Variants in UBE4B observed in about 807,000 individuals in gnomAD.
UBE4B encodes ubiquitination factor E4B.
A neutral mutation model predicts 148.1 loss-of-function variants in UBE4B; 27 were observed. That is an observed-to-expected ratio of 0.18 (90% CI 0.13 to 0.25). The LOEUF (loss-of-function observed/expected upper bound fraction) is 0.25. Among genes scored for constraint, UBE4B ranks in the 10% least tolerant of loss-of-function variants. The pLI is 1.00. For synonymous variants in UBE4B, 596 were observed against 619.3 expected (o/e 0.96, Z 0.56); for missense variants, 1,170 against 1,662.4 (o/e 0.70, Z 5.15).
chr1:10,133,134 G>A (rs867712711), intron 15 of UBE4B, among the ~76,000 whole-genome samples: 4 of 152,174 alleles, frequency 2.6e-5, no homozygotes, highest in Non-Finnish European at 1.5e-5. Context: ...TGAGTGCTTC[G>A]GTCCGGGTGA....
At position 10,072,341 on chromosome 1, in the gene UBE4B, C is replaced by G. The variant is rs1644500820; in HGVS notation, c.211+127C>G. 1.7e-5 allele frequency: 19 copies of G among 1,145,486 alleles called. No individual in the cohort carries two copies. In the South Asian group the frequency reaches 2.8e-4, roughly 17 times the overall value. The allele number at this position is 1,145,486 out of a possible 1,614,324, so 71.0% of individuals were successfully genotyped here. On this transcript the variant is annotated intron_variant, in intron 2 of 27. Transcript: ENST00000343090. ...CATCAGCTCTTTAAAATCCTCCAAGCAGTAGTTTAAATATCATTGCAATGT... is the reference window on the plus strand; with the variant it reads ...CATCAGCTCTTTAAAATCCTCCAAGGAGTAGTTTAAATATCATTGCAATGT...
chr1:10,109,703 TG>T (rs1645185764), intron 7 of UBE4B, among the ~76,000 whole-genome samples: 2 of 151,702 alleles, frequency 1.3e-5, no homozygotes, highest in Admixed American at 1.3e-4. Context: ...CAAGCTGGAG[TG>T]CAGTGGAGCG....
intron 3 of UBE4B, among the ~76,000 whole-genome samples, chr1:10,099,763 A>G (rs956025711): frequency 5.3e-5 from 8 of 152,220 alleles, no homozygotes; most frequent in African/African-American, 9.7e-5. Flanking sequence ...GGCCAGGGAC[A>G]GACAAATTGT....
chr1:10,145,192 A>C (rs1645849017), intron 18 of UBE4B, 153 bp downstream of exon 18: 1 of 548,338 alleles, frequency 1.8e-6, no homozygotes, highest in African/African-American at 1.9e-5. Context: ...AAACTTGTTG[A>C]TACCTTACTT....
At position 10,117,559 on chromosome 1, in the gene UBE4B, T is replaced by A. The variant is rs768400495; in HGVS notation, c.1297T>A (p.Cys433Ser). 1 of 1,607,224 alleles carries A rather than the reference T, an allele frequency of 6.2e-7. No individual in the cohort carries two copies. Among genetic ancestry groups the A allele is most frequent in the Non-Finnish European group, 8.5e-7 (1 of 1,178,214 alleles). Residue 433 changes from cysteine to serine, a missense_variant, in exon 8 of 28, where the codon TGT (cysteine) becomes AGT (serine). Coordinates refer to ENST00000343090, the MANE Select transcript of UBE4B (RefSeq NM_001105562.3). ...ETDMLNYLIE[C>S]FDRVGIEEKK... ...AGATATGCTGAACTACCTCATCGAGTGTTTCGACCGAGTTGGAATAGAGGA... is the reference window on the plus strand; with the variant it reads ...AGATATGCTGAACTACCTCATCGAGAGTTTCGACCGAGTTGGAATAGAGGA...
chr1:10,146,926 G>T, intron 18 of UBE4B, 37 bp from the exon 19 acceptor site: 1 of 1,610,386 alleles, frequency 6.2e-7, no homozygotes, highest in South Asian at 1.1e-5. Flanking sequence ...CTTAGCTACT[G>T]ACTGATCTTT....
chr1:10,179,765 C>A, intron 27 of UBE4B, 130 bp from the exon 28 acceptor site: 1 of 1,367,750 alleles, frequency 7.3e-7, no homozygotes, highest in Non-Finnish European at 1.0e-6. Context: ...TGTCCCAGTC[C>A]TTCTGGAGTC....
intron 15 of UBE4B, 88 bp from the exon 16 acceptor site, chr1:10,134,900 G>T (rs1279196520): frequency 8.8e-7 from 1 of 1,142,008 alleles, no homozygotes; most frequent in East Asian, 2.6e-5. Context: ...ACACCCCTTC[G>T]CTCCAGCCTG....
rs532821020 is a variant in UBE4B at position 10,069,754 on chromosome 1, C to T, written c.25-2274C>T. ...TTTGCCGTGTTGGCCAGGCTGGTCT[C>T]GAACTCCAGACCTCAAATGATCCAC... On this transcript the variant is annotated intron_variant, in intron 1 of 27. Coordinates refer to ENST00000343090, the MANE Select transcript of UBE4B (RefSeq NM_001105562.3). 1.1e-4 allele frequency among the ~76,000 whole-genome samples: 17 copies of T among 152,184 alleles called. No individual in the cohort carries two copies. The South Asian group carries it at 2.7e-3, about 24-fold the overall frequency.
At chr1:10,098,545 C>T (rs922783655) in intron 3 of UBE4B, among the ~76,000 whole-genome samples, 7 of 152,304 alleles carry the variant, frequency 4.6e-5, no homozygotes, top group African/African-American at 1.7e-4. Context: ...TAGATGAAGG[C>T]AGTTGAGCCA....
chr1:10,050,617 T>G (rs1644016262), intron 1 of UBE4B, among the ~76,000 whole-genome samples: 1 of 152,202 alleles, frequency 6.6e-6, no homozygotes, highest in Non-Finnish European at 1.5e-5. Flanking sequence ...CTGCTTTTTA[T>G]CCAAGTTCTG....
At chr1:10,063,810 A>C (rs1644332994) in intron 1 of UBE4B, among the ~76,000 whole-genome samples, 2 of 151,956 alleles carry the variant, frequency 1.3e-5, no homozygotes, top group Non-Finnish European at 2.9e-5. Flanking sequence ...CAGGAGGCTG[A>C]GGCAGGAGAA....
intron 7 of UBE4B, among the ~76,000 whole-genome samples, chr1:10,110,395 C>T (rs753016916): frequency 6.6e-6 from 1 of 152,042 alleles, no homozygotes; most frequent in African/African-American, 2.4e-5. Flanking sequence ...TGAGAATTAC[C>T]GTGTGTGAAA....
At chr1:10,138,125 T>C (rs997046775) in intron 17 of UBE4B, among the ~76,000 whole-genome samples, 1 of 146,464 alleles carries the variant, frequency 6.8e-6, no homozygotes, top group Admixed American at 6.9e-5. Context: ...TTTGATGGAG[T>C]CTCACTCTGT....
intron 9 of UBE4B, among the ~76,000 whole-genome samples, chr1:10,121,087 A>C (rs1041767248): frequency 2.0e-5 from 3 of 152,130 alleles, no homozygotes; most frequent in Non-Finnish European, 4.4e-5. Context: ...TAATACGGCC[A>C]GGCGTGGTGG....
At chr1:10,122,532 G>T (rs1645427508) in intron 10 of UBE4B, among the ~76,000 whole-genome samples, 1 of 152,234 alleles carries the variant, frequency 6.6e-6, no homozygotes. Flanking sequence ...CACTAGGAAA[G>T]ATGTCTCATA....
chr1:10,077,544 G>A (rs1037147377), intron 2 of UBE4B, among the ~76,000 whole-genome samples: 5 of 152,152 alleles, frequency 3.3e-5, no homozygotes, highest in African/African-American at 9.7e-5. Context: ...CCCCAGCACC[G>A]TGCTTAGCAC....
chr1:10,113,252 C>T (rs1392099354), intron 7 of UBE4B, among the ~76,000 whole-genome samples: 3 of 152,142 alleles, frequency 2.0e-5, no homozygotes, highest in Admixed American at 6.5e-5. Context: ...CCAGATCTCA[C>T]GTGAACTCAC....
At chr1:10,132,535 C>A in intron 15 of UBE4B, 53 bp downstream of exon 15, 1 of 1,523,862 alleles carries the variant, frequency 6.6e-7, no homozygotes, top group Non-Finnish European at 9.1e-7. Context: ...TTCATCTGAC[C>A]CAGATTTAGT....
Sources: allele counts gnomAD v4.1 joint callset (sites outside exome capture counted in the v4.1 genomes callset), GRCh38; gene constraint gnomAD v4.1.1; transcripts MANE v1.5; gene names NCBI Gene and HGNC (gene_info 2026-07-23, HGNC 2026-07-21).